Variants in MARCHF1 observed in about 807,000 individuals in gnomAD.
MARCHF1 encodes E3 ubiquitin-protein ligase MARCHF1.
MARCHF1 carries 40 observed loss-of-function variants against 54.2 expected under a neutral mutation model. The ratio of observed to expected loss-of-function variants is 0.74; its 90% confidence interval spans 0.57 to 0.96. MARCHF1 has a LOEUF of 0.96. MARCHF1 is among the 40% of genes least tolerant of loss of function. The pLI, the probability that MARCHF1 is intolerant of heterozygous loss-of-function variation, is 0.00. For synonymous variants in MARCHF1, 236 were observed against 236.3 expected, an observed-to-expected ratio of 1.00 and a Z score of 0.01; for missense variants, 586 against 656.5, an observed-to-expected ratio of 0.89 and a Z score of 1.17.
intron 4 of MARCHF1, among the ~76,000 whole-genome samples, chr4:163,721,382 C>T (rs959344484): frequency 7.9e-5 from 12 of 151,542 alleles, no homozygotes; most frequent in Non-Finnish European, 1.5e-4. Flanking sequence ...ATGAAGCCCA[C>T]TTGATCATGG....
At chr4:163,572,880 G>A (rs1487607512) in intron 8 of MARCHF1, among the ~76,000 whole-genome samples, 1 of 152,058 alleles carries the variant, frequency 6.6e-6, no homozygotes, top group African/African-American at 2.4e-5. Context: ...CTCATGCTAT[G>A]TATTTCACAG....
intron 3 of MARCHF1, among the ~76,000 whole-genome samples, chr4:163,875,232 C>A (rs1206777149): frequency 2.0e-5 from 3 of 151,866 alleles, no homozygotes; most frequent in Non-Finnish European, 4.4e-5. Context: ...AAAAAAATTC[C>A]CCAATTTATC....
intron 9 of MARCHF1, among the ~76,000 whole-genome samples, chr4:163,532,024 A>C (rs563189602): frequency 1.3e-5 from 2 of 152,038 alleles, no homozygotes; most frequent in South Asian, 4.1e-4. Flanking sequence ...TATTCTTCCC[A>C]GTTTGATCTA....
At chr4:163,635,420 C>T (rs200115416) in intron 5 of MARCHF1, among the ~76,000 whole-genome samples, 5,447 of 149,846 alleles carry the variant, frequency 0.036, 295 homozygotes, top group East Asian at 0.19. Flanking sequence ...ATATCACCAC[C>T]GATCCCACAG....
intron 8 of MARCHF1, among the ~76,000 whole-genome samples, chr4:163,568,118 G>A (rs1181445712): frequency 6.6e-6 from 1 of 151,634 alleles, no homozygotes; most frequent in South Asian, 2.1e-4. Flanking sequence ...TTTCTCCCTC[G>A]CATTTCCCAT....
At chr4:164,134,773 T>C (rs1756367825) in intron 1 of MARCHF1, among the ~76,000 whole-genome samples, 2 of 151,830 alleles carry the variant, frequency 1.3e-5, no homozygotes, top group Admixed American at 6.6e-5. Context: ...TTTTAGCATA[T>C]GTTACCAACT....
chr4:163,608,756 G>C (rs1741224928), intron 7 of MARCHF1, among the ~76,000 whole-genome samples: 1 of 151,948 alleles, frequency 6.6e-6, no homozygotes, highest in East Asian at 1.9e-4. Flanking sequence ...AACAGAAAAG[G>C]AAGAAGGCTT....
At chr4:163,537,083 T>A (rs914589519) in intron 9 of MARCHF1, among the ~76,000 whole-genome samples, 1 of 152,124 alleles carries the variant, frequency 6.6e-6, no homozygotes, top group Non-Finnish European at 1.5e-5. Flanking sequence ...TTTCTTGCCT[T>A]CAAATAAGTG....
chr4:164,018,651 CAT>C (rs1017548339), intron 2 of MARCHF1, among the ~76,000 whole-genome samples: 8 of 151,984 alleles, frequency 5.3e-5, no homozygotes, highest in Non-Finnish European at 1.0e-4. Flanking sequence ...ATTAGTAAAA[CAT>C]ATTTTAAAAA....
intron 2 of MARCHF1, among the ~76,000 whole-genome samples, chr4:164,050,578 G>A (rs1365326266): frequency 1.3e-5 from 2 of 152,018 alleles, no homozygotes; most frequent in African/African-American, 2.4e-5. Flanking sequence ...AACATGCTTC[G>A]TAGACCAGCA....
rs540392998 is a variant in MARCHF1, at chr4:164,044,576, TAAAA to T, written c.-247-55871_-247-55868del. 1.8e-3 allele frequency among the ~76,000 whole-genome samples: 258 copies of T among 146,724 alleles called. 1 individual carries two copies. Among genetic ancestry groups the T allele is most frequent in the Non-Finnish European group, 3.1e-3 (203 of 64,692 alleles). ...ATCCAAACCATATCAATATCATAAT[TAAAA>T]TAAATCATTCAAGGAAAGGAGAAGT... On this transcript the variant is annotated intron_variant, in intron 2 of 9. Transcript: ENST00000514618.
chr4:163,927,436 C>A (rs1045611430), intron 3 of MARCHF1, among the ~76,000 whole-genome samples: 23 of 151,588 alleles, frequency 1.5e-4, no homozygotes, highest in African/African-American at 5.6e-4. Flanking sequence ...CAAACACTTT[C>A]ATGTGAGGAA....
At chr4:163,697,591 T>C (rs1222142567) in intron 5 of MARCHF1, among the ~76,000 whole-genome samples, 3 of 152,122 alleles carry the variant, frequency 2.0e-5, no homozygotes, top group Non-Finnish European at 2.9e-5. Flanking sequence ...CTGCAAGAAA[T>C]AGGCAGGAAA....
chr4:164,257,003 T>C (rs1031028829), intron 1 of MARCHF1, among the ~76,000 whole-genome samples: 3 of 152,154 alleles, frequency 2.0e-5, no homozygotes, highest in Admixed American at 6.6e-5. Flanking sequence ...ATTCTATAGA[T>C]AGTAATTTGA....
intron 7 of MARCHF1, among the ~76,000 whole-genome samples, chr4:163,590,100 T>C (rs1444236688): frequency 1.4e-5 from 2 of 141,620 alleles, no homozygotes; most frequent in Non-Finnish European, 3.0e-5. Context: ...TCTCTTGCTT[T>C]AATGTTTGAG....
chr4:163,976,392 G>A (rs1170947738), intron 3 of MARCHF1, among the ~76,000 whole-genome samples: 3 of 152,090 alleles, frequency 2.0e-5, no homozygotes, highest in Non-Finnish European at 2.9e-5. Flanking sequence ...AGGTCTTGGC[G>A]AAGGATAAAA....
intron 1 of MARCHF1, among the ~76,000 whole-genome samples, chr4:164,191,696 G>A (rs188079628): frequency 6.6e-5 from 10 of 152,190 alleles, no homozygotes; most frequent in South Asian, 2.1e-4. Flanking sequence ...TTAAAAACTC[G>A]AGGCAAATGG....
rs138302532 is a variant in MARCHF1 at position 163,569,382 on chromosome 4, CA to C, written c.1191+16366del. On this transcript the variant is annotated intron_variant, in intron 8 of 9. Coordinates refer to ENST00000514618, the MANE Select transcript of MARCHF1 (RefSeq NM_001394959.1). ...TTTTGAAGTGGGAGGGGGGATTAAA[CA>C]GCGTTGAAAACCAGTTGTAATCTCA... 5.2e-3 allele frequency among the ~76,000 whole-genome samples: 798 copies of C among 152,186 alleles called. 7 individuals are homozygous for C. Among genetic ancestry groups the C allele is most frequent in the African/African-American group, 0.017 (704 of 41,516 alleles).
intron 1 of MARCHF1, among the ~76,000 whole-genome samples, chr4:164,356,267 T>C (rs1578893696): frequency 8.5e-6 from 1 of 118,310 alleles, no homozygotes; most frequent in South Asian, 2.6e-4. Flanking sequence ...CATTACTGGG[T>C]ATATACCCAA....
Sources: allele counts gnomAD v4.1 joint callset (sites outside exome capture counted in the v4.1 genomes callset), GRCh38; gene constraint gnomAD v4.1.1; transcripts MANE v1.5; gene names NCBI Gene and HGNC (gene_info 2026-07-23, HGNC 2026-07-21).